Variants in NOTCH3 observed in about 807,000 individuals in gnomAD.
The protein encoded by NOTCH3 is notch receptor 3.
A neutral mutation model predicts 213.3 loss-of-function variants in NOTCH3; 86 were observed. The ratio of observed to expected loss-of-function variants is 0.40; its 90% CI spans 0.34 to 0.48. The LOEUF is 0.48. NOTCH3 is among the 20% of genes least tolerant of loss of function. The pLI is 0.57. For missense variants in NOTCH3, 2,783 were observed against 3,272.6 expected (o/e 0.85, Z 3.65); for synonymous variants, 1,354 against 1,355.9 (o/e 1.00, Z 0.03).
chr19:15,165,282 A>G lies in NOTCH3; in HGVS notation c.5815+86T>C, dbSNP rs2046676189. The G allele has an allele frequency of 2.1e-6, 3 of 1,414,282 alleles. No homozygotes were observed. The African/African-American group carries it at 4.2e-5, about 20-fold the overall frequency. 87.6% of individuals were successfully genotyped at this position (1,414,282 alleles called of 1,614,324 possible). ...GCGTGAGCTTCAGTGATTGGGTCTC[A>G]ACATGGGTATGAATTTGCACCAACA... On this transcript the variant is annotated intron_variant, in intron 31 of 32. Transcript: ENST00000263388. This position sits in a 1 kb window ranked among gnomAD's most constrained non-coding sequence, Gnocchi z 4.7.
chr19:15,171,341 TG>T (rs1401731832), intron 25 of NOTCH3, among the ~76,000 whole-genome samples: 2 of 145,396 alleles, frequency 1.4e-5, no homozygotes, highest in Non-Finnish European at 2.9e-5. Flanking sequence ...CTGTTTTTTT[TG>T]TTGTTTGTTT....
At chr19:15,167,888 CTTT>C (rs71333354) in intron 28 of NOTCH3, among the ~76,000 whole-genome samples, 14 of 36,932 alleles carry the variant, frequency 3.8e-4, no homozygotes, top group Non-Finnish European at 5.4e-4. Context: ...CACAAGGTTT[CTTT>C]TTTTTTTTTT....
At chr19:15,163,814 G>A (rs2046663863) in intron 31 of NOTCH3, among the ~76,000 whole-genome samples, 1 of 152,078 alleles carries the variant, frequency 6.6e-6, no homozygotes, top group Non-Finnish European at 1.5e-5. Context: ...CTGAGTGACA[G>A]AGTGATACCC....
At chr19:15,194,754 G>A (rs34566102) in intron 2 of NOTCH3, among the ~76,000 whole-genome samples, 26,256 of 151,824 alleles carry the variant, frequency 0.17, 2,635 homozygotes, top group East Asian at 0.35. Context: ...TCAAGAGTTC[G>A]AGACCAGCCT....
rs767233554 is a variant in NOTCH3 at position 15,170,392 on chromosome 19, C to G, written c.5053G>C (p.Asp1685His). Residue 1685 changes from aspartate (D) to histidine (H), a missense_variant, in exon 27 of 33, where the codon GAC becomes CAC. Asp to His is a moderately conservative substitution (Grantham distance 81). Coordinates refer to ENST00000263388, the MANE Select transcript of NOTCH3 (RefSeq NM_000435.3). The stretch of plus-strand genomic sequence containing the variant: ...CGGCCCTTGTGACCAGAGGCCACGT[C>G]CTTGTGCAGTGAGAAGCCCTCAGGG... ...WFPEGFSLHK[D>H]VASGHKGRRE... The G allele has an allele frequency of 1.2e-6, 2 of 1,613,816 alleles. No homozygotes were observed. Among genetic ancestry groups the G allele is most frequent in the South Asian group, 2.2e-5 (2 of 91,090 alleles).
At position 15,174,365 on chromosome 19, in the gene NOTCH3, G is replaced by A. The variant is rs866463510; in HGVS notation, c.4439C>T (p.Ala1480Val). Residue 1480 changes from alanine to valine, a missense_variant, in exon 25 of 33, where the codon GCC becomes GTC. Physicochemically the swap from Ala to Val is moderately conservative, Grantham distance 64 (BLOSUM62 0). Around this residue, in one of 6 missense-constraint regions of NOTCH3, gnomAD observed 636 missense variants for 801.8 expected, o/e 0.79. Coordinates refer to ENST00000263388, the MANE Select transcript of NOTCH3 (RefSeq NM_000435.3). ...GCAGCCCTGGTCGCAGCGGCCGTCG[G>A]CAAAGTGGTCGGCGCAGTACTTCTC... ...VYEKYCADHFADGRCDQGCNT... is the reference protein window; with the variant it reads ...VYEKYCADHFVDGRCDQGCNT... The A allele has an allele frequency of 6.5e-7, 1 of 1,545,080 alleles. No homozygotes were observed. The highest frequency in any genetic ancestry group is 8.7e-7 in the Non-Finnish European group (1 of 1,143,036).
At position 15,187,919 on chromosome 19, in the gene NOTCH3, A is replaced by T; in HGVS notation, c.1568T>A (p.Val523Glu). Residue 523 changes from valine to glutamate, a missense_variant, in exon 10 of 33, where the codon GTG (valine) becomes GAG (glutamate). Val to Glu is a moderately radical substitution (Grantham distance 121). This residue lies in a region of NOTCH3 where 708 missense variants were observed against 906.6 expected (regional missense o/e 0.78). Transcript: ENST00000263388. ...STPCRNGAKC[V>E]DQPDGYECRC... The stretch of plus-strand genomic sequence containing the variant: ...GCACTCGTAGCCATCGGGCTGGTCC[A>T]CGCATTTGGCGCCATTCCTGCAGGG... 6.5e-7 allele frequency: 1 copy of T among 1,549,946 alleles called. No homozygotes were observed. The highest frequency in any genetic ancestry group is 8.7e-7 in the Non-Finnish European group (1 of 1,146,962).
chr19:15,161,705 G>C lies in NOTCH3; in HGVS notation c.5923C>G (p.Pro1975Ala). Residue 1975 changes from proline (P) to alanine (A), a missense_variant, in exon 33 of 33, where the codon CCC (proline) becomes GCC (alanine). Pro to Ala is a conservative substitution (Grantham distance 27). Transcript: ENST00000263388. Reference sequence around the variant, plus strand: ...CCCTCGCGGGCGGCCAGGAATAGGGGGGTCTCCTCCTGGGGGGCCAGAACC... The same window carrying C: ...CCCTCGCGGGCGGCCAGGAATAGGGCGGTCTCCTCCTGGGGGGCCAGAACC... ...KDMQDSKEETPLFLAAREGSY... is the reference protein window; with the variant it reads ...KDMQDSKEETALFLAAREGSY... 1 of 1,613,586 alleles carries C rather than the reference G, an allele frequency of 6.2e-7. No homozygotes were observed. The highest frequency in any genetic ancestry group is 1.1e-5 in the South Asian group (1 of 91,000).
Position 15,197,476 on chromosome 19 carries a change from G to C in NOTCH3, c.197+24C>G, listed in dbSNP as rs188132716. 7.0e-3 allele frequency: 8,249 copies of C among 1,183,678 alleles called. 45 individuals are homozygous for C. Among genetic ancestry groups the C allele is most frequent in the Middle Eastern group, 0.02 (78 of 3,906 alleles). The allele number at this position is 1,183,678 out of a possible 1,614,324, so 73.3% of individuals were successfully genotyped here. ...CCCGCCCCCACACACAGGGCCCACT[G>C]GTGGCTCTGAGCCAGGCACTCACAG... On this transcript the variant is annotated intron_variant, in intron 2 of 32. Transcript: ENST00000263388.
At position 15,165,313 on chromosome 19, in the gene NOTCH3, C is replaced by A; in HGVS notation, c.5815+55G>T. The A allele has an allele frequency of 6.3e-7, 1 of 1,578,630 alleles. No individual in the cohort carries two copies. The highest frequency in any genetic ancestry group is 8.6e-7 in the Non-Finnish European group (1 of 1,160,346). The stretch of plus-strand genomic sequence containing the variant: ...GGTATGAATTTGCACCAACATGACC[C>A]TCAGGGCCCAGGTGACACCAACCCA... On this transcript the variant is annotated intron_variant, in intron 31 of 32. Transcript: ENST00000263388. The surrounding 1 kb of genome is among the most constrained non-coding windows in gnomAD (Gnocchi z 4.7).
At chr19:15,182,811 T>G (rs937007887) in intron 16 of NOTCH3, among the ~76,000 whole-genome samples, 9 of 151,938 alleles carry the variant, frequency 5.9e-5, no homozygotes, top group African/African-American at 2.2e-4. Context: ...CCCAGCTAAT[T>G]TTGTGTTTTT....
chr19:15,198,387 G>A (rs1326026526), intron 1 of NOTCH3, among the ~76,000 whole-genome samples: 2 of 152,202 alleles, frequency 1.3e-5, no homozygotes, highest in African/African-American at 4.8e-5. Context: ...AAGGAAGATC[G>A]AGAAAAACAC....
chr19:15,184,664 C>T (rs1228067676), intron 15 of NOTCH3, among the ~76,000 whole-genome samples: 2 of 152,214 alleles, frequency 1.3e-5, no homozygotes, highest in African/African-American at 4.8e-5. Flanking sequence ...TCTGCTCCTC[C>T]AGGAAGCTGT....
intron 24 of NOTCH3, among the ~76,000 whole-genome samples, chr19:15,174,926 C>T (rs980539770): frequency 1.3e-5 from 2 of 152,064 alleles, no homozygotes; most frequent in Non-Finnish European, 2.9e-5. Flanking sequence ...TGCTCTGTTG[C>T]CCACGCCGGA....
chr19:15,189,210 G>A (rs866664588), intron 7 of NOTCH3, 36 bp from the exon 8 acceptor site: 1 of 1,613,308 alleles, frequency 6.2e-7, no homozygotes, highest in Non-Finnish European at 8.5e-7. Flanking sequence ...GGGCGTGGCT[G>A]GCCGGGACCC....
chr19:15,175,933 C>G (rs1014608845), intron 24 of NOTCH3, among the ~76,000 whole-genome samples: 1 of 150,948 alleles, frequency 6.6e-6, no homozygotes, highest in African/African-American at 2.4e-5. Context: ...GGGTTCCAAG[C>G]AGACAGAGAG....
At chr19:15,184,631 G>A (rs1016830821) in intron 15 of NOTCH3, among the ~76,000 whole-genome samples, 181 bp from the exon 16 acceptor site, 1 of 152,180 alleles carries the variant, frequency 6.6e-6, no homozygotes, top group Admixed American at 6.5e-5. Context: ...TGTCTCAGTA[G>A]GTGGCAAATA....
chr19:15,187,654 G>C (rs1459742749), intron 10 of NOTCH3, among the ~76,000 whole-genome samples: 1 of 152,004 alleles, frequency 6.6e-6, no homozygotes, highest in African/African-American at 2.4e-5. Flanking sequence ...GAAGGTATTG[G>C]GCCCTCCCCA....
In NOTCH3 at chr19:15,160,842, G is replaced by C. The variant is rs1378552176; in HGVS notation, c.6786C>G (p.Ser2262=). ...GCGTGGATTCGGACCAGTCTGAGAG[G>C]GAGGGAGGTGAGGGGCTGGCCCAGT... is the stretch of plus-strand genomic sequence containing the variant. ...PEHWASPSPP[S]LSDWSESTPS... is the part of the protein sequence containing the mutation. Residue 2262 remains serine (S), a synonymous_variant, in exon 33 of 33, where the codon TCC becomes TCG. Transcript: ENST00000263388. 2 of 1,613,978 alleles carry C rather than the reference G, an allele frequency of 1.2e-6. No homozygotes were observed. Among genetic ancestry groups the C allele is most frequent in the Admixed American group, 3.3e-5 (2 of 60,006 alleles).
Sources: gnomAD v4.1 joint callset for allele counts (sites outside exome capture counted in the v4.1 genomes callset) on GRCh38, gnomAD v4.1.1 for gene constraint, gnomAD v4.1.1 regional missense constraint, Gnocchi (gnomAD v3.1) non-coding constraint, MANE v1.5 for transcripts, NCBI Gene and HGNC (gene_info 2026-07-23, HGNC 2026-07-21) for gene names.